RBFOX1: variants seen among roughly 807,000 people sequenced by gnomAD.
RBFOX1 encodes RNA binding fox-1 homolog 1.
RBFOX1 carries 8 observed loss-of-function variants against 57.7 expected under a neutral mutation model. That is an observed-to-expected ratio of 0.14 (90% CI 0.08 to 0.25). The LOEUF (loss-of-function observed/expected upper bound fraction) is 0.25. RBFOX1 is among the 10% of genes least tolerant of loss of function. The pLI, the probability that RBFOX1 is intolerant of heterozygous loss-of-function variation, is 1.00. For missense variants in RBFOX1, 611 were observed against 548.5 expected (o/e 1.11, Z -1.14); for synonymous variants, 326 against 222.4 (o/e 1.47, Z -4.15).
At chr16:6,521,252 A>T (rs1194524131) in intron 2 of RBFOX1, among the ~76,000 whole-genome samples, 1 of 152,144 alleles carries the variant, frequency 6.6e-6, no homozygotes, top group Non-Finnish European at 1.5e-5. Context: ...ACTGTTGCTC[A>T]TTGGTCAAGG....
At chr16:7,078,734 G>C (rs2058690215) in intron 4 of RBFOX1, among the ~76,000 whole-genome samples, 1 of 149,436 alleles carries the variant, frequency 6.7e-6, no homozygotes, top group Non-Finnish European at 1.5e-5. Context: ...CCAGGCTGGA[G>C]TGCAATGGCA....
intron 4 of RBFOX1, among the ~76,000 whole-genome samples, chr16:7,504,726 T>A (rs1189352759): frequency 1.9e-4 from 9 of 46,198 alleles, no homozygotes; most frequent in African/African-American, 1.3e-3. Flanking sequence ...TATATATATA[T>A]ATATATATAT....
At chr16:6,938,618 C>G (rs561437866) in intron 3 of RBFOX1, among the ~76,000 whole-genome samples, 2 of 151,846 alleles carry the variant, frequency 1.3e-5, no homozygotes, top group Non-Finnish European at 2.9e-5. Context: ...TTTAGTTGGA[C>G]TGTTTATAGG....
At chr16:6,811,647 T>C (rs2088621823) in intron 3 of RBFOX1, among the ~76,000 whole-genome samples, 1 of 152,150 alleles carries the variant, frequency 6.6e-6, no homozygotes, top group South Asian at 2.1e-4. Context: ...CCTAGCACTT[T>C]GGGAGGCTAA....
At chr16:7,362,476 G>A (rs751223740) in intron 4 of RBFOX1, among the ~76,000 whole-genome samples, 26 of 151,394 alleles carry the variant, frequency 1.7e-4, no homozygotes, top group Non-Finnish European at 2.8e-4. Context: ...GTGTGTGTTT[G>A]TGTGTTTTGT....
chr16:7,233,110 C>T (rs1018805223), intron 4 of RBFOX1, among the ~76,000 whole-genome samples: 1 of 152,084 alleles, frequency 6.6e-6, no homozygotes, highest in African/African-American at 2.4e-5. Context: ...ACATAGGATG[C>T]TTTCCCTTCC....
At chr16:6,757,161 A>G (rs12934843) in intron 3 of RBFOX1, among the ~76,000 whole-genome samples, 60,316 of 152,038 alleles carry the variant, frequency 0.4, 12,144 homozygotes, top group East Asian at 0.45. Flanking sequence ...GCTAGCAAGG[A>G]TGTGGAGAAA....
chr16:6,417,523 G>A (rs2093657590), intron 2 of RBFOX1, among the ~76,000 whole-genome samples: 1 of 146,684 alleles, frequency 6.8e-6, no homozygotes, highest in South Asian at 2.1e-4. Flanking sequence ...CCGAATAGCT[G>A]GGATTACAGG....
At chr16:7,192,376 T>G (rs1262296685) in intron 4 of RBFOX1, among the ~76,000 whole-genome samples, 1 of 152,190 alleles carries the variant, frequency 6.6e-6, no homozygotes, top group African/African-American at 2.4e-5. Flanking sequence ...GGTGCTTCTC[T>G]GAATCCTAGT....
At chr16:7,431,535 A>G (rs1281555797) in intron 4 of RBFOX1, among the ~76,000 whole-genome samples, 1 of 152,162 alleles carries the variant, frequency 6.6e-6, no homozygotes, top group Admixed American at 6.5e-5. Context: ...CCACCGCGCC[A>G]CTGTGCCCGG....
In RBFOX1 at chr16:6,714,092, G is replaced by A. The variant is rs112964778; in HGVS notation, c.-16+59442G>A. On this transcript the variant is annotated intron_variant, in intron 3 of 15. Transcript: ENST00000550418. ...CCATGCCATTCTTGTGATAGTAAGT[G>A]AATTTTCACAAGATCTAATGGTTTT... Among the ~76,000 whole-genome samples, 4 of 152,270 alleles carry A rather than the reference G, an allele frequency of 2.6e-5. No homozygotes were observed. The East Asian group carries it at 7.7e-4, about 29-fold the overall frequency.
chr16:6,779,961 A>ATT (rs1169880214), intron 3 of RBFOX1, among the ~76,000 whole-genome samples: 1 of 40,780 alleles, frequency 2.5e-5, no homozygotes, highest in Non-Finnish European at 4.1e-5. Flanking sequence ...ATATTTATAT[A>ATT]TTTATATATA....
At chr16:6,021,787 C>T (rs754944592) in intron 1 of RBFOX1, among the ~76,000 whole-genome samples, 5 of 152,280 alleles carry the variant, frequency 3.3e-5, no homozygotes, top group South Asian at 2.1e-4. Context: ...CTCTGAGCTT[C>T]GGGTTGTCAC....
intron 3 of RBFOX1, among the ~76,000 whole-genome samples, chr16:5,810,068 C>T (rs138875712): frequency 0.038 from 5,833 of 151,882 alleles, 254 homozygotes; most frequent in African/African-American, 0.11. Context: ...AGTAAACTAT[C>T]GCAAGGACAA....
intron 5 of RBFOX1, among the ~76,000 whole-genome samples, chr16:7,545,923 G>T (rs553536919): frequency 6.6e-6 from 1 of 151,318 alleles, no homozygotes; most frequent in Non-Finnish European, 1.5e-5. Flanking sequence ...TGAGAGTCAC[G>T]TGCAAAATCA....
chr16:7,161,591 C>T (rs1332667424), intron 4 of RBFOX1, among the ~76,000 whole-genome samples: 2 of 152,104 alleles, frequency 1.3e-5, no homozygotes, highest in South Asian at 2.1e-4. Context: ...TACTAAGAAT[C>T]AGATTTAATG....
At chr16:5,252,065 C>T (rs188874391) in intron 1 of RBFOX1, among the ~76,000 whole-genome samples, 262 of 152,262 alleles carry the variant, frequency 1.7e-3, no homozygotes, top group African/African-American at 5.8e-3. Flanking sequence ...CAGCATCCTG[C>T]TTCATTAGGA....
chr16:6,826,677 G>A (rs982379384), intron 3 of RBFOX1, among the ~76,000 whole-genome samples: 14 of 151,972 alleles, frequency 9.2e-5, no homozygotes, highest in African/African-American at 3.4e-4. Context: ...CAGCCTAAGA[G>A]CTCAGGAGAG....
chr16:7,084,861 A>C (rs767396541), intron 4 of RBFOX1, among the ~76,000 whole-genome samples: 2 of 151,232 alleles, frequency 1.3e-5, no homozygotes, highest in East Asian at 3.9e-4. Context: ...CTTTCTGTCT[A>C]TCTATCTATC....
Sources: allele counts gnomAD v4.1 joint callset (sites outside exome capture counted in the v4.1 genomes callset), GRCh38; gene constraint gnomAD v4.1.1; transcripts MANE v1.5; gene names NCBI Gene and HGNC (gene_info 2026-07-23, HGNC 2026-07-21).